TBP: variants seen among roughly 807,000 people sequenced by gnomAD.
The protein encoded by TBP is TATA-box binding protein.
In TBP, 12 loss-of-function variants were observed where a neutral mutation model predicts 46.2. That is an observed-to-expected ratio of 0.26 (90% CI 0.17 to 0.42). The LOEUF (loss-of-function observed/expected upper bound fraction) is 0.42. TBP is among the 10% of genes least tolerant of loss of function. The probability of loss-of-function intolerance (pLI) is 1.00; values close to 1 mark genes in which losing one functional copy is unlikely to be tolerated. For missense variants in TBP, 229 were observed against 403.1 expected (o/e 0.57, Z 3.70); for synonymous variants, 157 against 148.3 (o/e 1.06, Z -0.42).
In TBP at chr6:170,572,255, A is replaced by G; in HGVS notation, c.1010A>G (p.Lys337Arg). Residue 337 changes from lysine (K) to arginine (R), a missense_variant, in exon 8 of 8, where the codon AAG becomes AGG. This residue lies in a region of TBP where 44 missense variants were observed against 54.1 expected (regional missense o/e 0.81). Transcript: ENST00000392092. ...NIYPILKGFR[K>R]TT ...TACCCTATTCTAAAGGGATTCAGGA[A>G]GACGACGTAATGGCTCTCATGTACC... 1 of 1,613,564 alleles carries G rather than the reference A, an allele frequency of 6.2e-7. No individual in the cohort carries two copies. Among genetic ancestry groups the G allele is most frequent in the Non-Finnish European group, 8.5e-7 (1 of 1,179,632 alleles).
intron 3 of TBP, among the ~76,000 whole-genome samples, chr6:170,562,702 T>C (rs1476944604): frequency 6.6e-6 from 1 of 152,236 alleles, no homozygotes; most frequent in African/African-American, 2.4e-5. Flanking sequence ...TGAAGACGAC[T>C]GTTTTTGTCA....
At position 170,561,966 on chromosome 6, in the gene TBP, AGCAGCAGCAGCAGCAGCAGCAGCAG is replaced by A. The variant is rs1779152934; in HGVS notation, c.231_255del (p.Gln77HisfsTer59). 3.2e-4 allele frequency: 415 copies of A among 1,292,508 alleles called. 2 individuals carry two copies. Among genetic ancestry groups the A allele is most frequent in the Middle Eastern group, 3.1e-3 (16 of 5,150 alleles). 80.1% of individuals were successfully genotyped at this position (1,292,508 alleles called of 1,614,324 possible). A position where few individuals can be genotyped will look rare whatever the true frequency, so the allele number is the denominator to read the frequency against. ...CAGCAGCAGCAACAGCAACAGCAGC[AGCAGCAGCAGCAGCAGCAGCAGCAG>A]CAGCAGCAGCAGCAGCAGCAGCAGC... On this transcript the variant is annotated frameshift_variant, in exon 3 of 8. Transcript: ENST00000392092. LOFTEE classifies it high-confidence loss of function.
chr6:170,568,646 G>A lies in TBP; in HGVS notation c.678-966G>A, dbSNP rs186022103. 7.5e-4 allele frequency among the ~76,000 whole-genome samples: 114 copies of A among 151,320 alleles called. 1 individual carries two copies. Among genetic ancestry groups the A allele is most frequent in the African/African-American group, 2.4e-3 (98 of 41,192 alleles). ...ATTTTTGTATTTTTAGTAGAGATGG[G>A]GTTTCACTGTGTTAGCCAGGATGGT... On this transcript the variant is annotated intron_variant, in intron 5 of 7. Transcript: ENST00000392092.
chr6:170,562,240 A>G lies in TBP; in HGVS notation c.497+7A>G, dbSNP rs1333422481. ...GGATTGTACCGCAGCTGCAGTGAGT[A>G]CTTCGTGTTTTATGTTTCCTCCCAC... On this transcript the variant is annotated splice_region_variant and intron_variant, in intron 3 of 7. Coordinates refer to ENST00000392092, the MANE Select transcript of TBP (RefSeq NM_003194.5). The G allele has an allele frequency of 1.9e-6, 3 of 1,609,786 alleles. No individual in the cohort carries two copies. Among genetic ancestry groups the G allele is most frequent in the Non-Finnish European group, 2.5e-6 (3 of 1,176,682 alleles).
At position 170,555,712 on chromosome 6, in the gene TBP, C is replaced by T. The variant is rs1562357090; in HGVS notation, c.-148-1170C>T. 2.0e-5 allele frequency among the ~76,000 whole-genome samples: 3 copies of T among 152,292 alleles called. No homozygotes were observed. In the East Asian group the frequency reaches 5.8e-4, roughly 29 times the overall value. ...GTGTATATGGGCTCATTCATGATCA[C>T]ATACTGTATTCCAGGCATAGTGCTA... On this transcript the variant is annotated intron_variant, in intron 1 of 7. Coordinates refer to ENST00000392092, the MANE Select transcript of TBP (RefSeq NM_003194.5).
rs1176388777 is a variant in TBP at position 170,572,623 on chromosome 6, T to G, written c.*358T>G. On this transcript the variant is annotated 3_prime_UTR_variant, in exon 8 of 8. Transcript: ENST00000392092. The stretch of plus-strand genomic sequence containing the variant: ...CTATAATTGATTGGACTTTTTAATT[T>G]TAATGTTTTTCCCCATGAACCACAG... 4.9e-6 allele frequency: 1 copy of G among 202,862 alleles called. No homozygotes were observed. The highest frequency in any genetic ancestry group is 9.8e-6 in the Non-Finnish European group (1 of 102,134). 12.6% of individuals were successfully genotyped at this position (202,862 alleles called of 1,614,324 possible). A position where few individuals can be genotyped will look rare whatever the true frequency, so the allele number is the denominator to read the frequency against.
At chr6:170,557,195 T>C in intron 2 of TBP, 112 bp downstream of exon 2, 3 of 1,037,972 alleles carry the variant, frequency 2.9e-6, no homozygotes, top group Non-Finnish European at 2.9e-6. Context: ...TGGTTTAATA[T>C]GTTTTTTAAG....
At position 170,572,498 on chromosome 6, in the gene TBP, G is replaced by GCAA; in HGVS notation, c.*234_*235insAAC. On this transcript the variant is annotated 3_prime_UTR_variant, in exon 8 of 8. Transcript: ENST00000392092. Reference sequence around the variant, plus strand: ...GACTGTGAGTTGCTCATACCGTGCTGCTATCTGGGCAGCGCTGCCCATTTA... The same window carrying GCAA: ...GACTGTGAGTTGCTCATACCGTGCTGCAACTATCTGGGCAGCGCTGCCCATTTA... 1 of 552,162 alleles carries GCAA rather than the reference G, an allele frequency of 1.8e-6. No homozygotes were observed. Among genetic ancestry groups the GCAA allele is most frequent in the Non-Finnish European group, 3.2e-6 (1 of 312,398 alleles). The allele number at this position is 552,162 out of a possible 1,614,324, so 34.2% of individuals were successfully genotyped here. A position where few individuals can be genotyped will look rare whatever the true frequency, so the allele number is the denominator to read the frequency against.
chr6:170,560,958 G>C (rs1251885772), intron 2 of TBP, among the ~76,000 whole-genome samples: 1 of 152,196 alleles, frequency 6.6e-6, no homozygotes, highest in African/African-American at 2.4e-5. Context: ...ATAAGTTCTA[G>C]TGTGGGTAAA....
chr6:170,564,998 A>G (rs1490986652), intron 4 of TBP, among the ~76,000 whole-genome samples: 2 of 152,166 alleles, frequency 1.3e-5, no homozygotes, highest in Non-Finnish European at 2.9e-5. Flanking sequence ...CTCTACTAAA[A>G]ATACAAAAAT....
chr6:170,561,654 C>T (rs1779139956), intron 2 of TBP, 137 bp from the exon 3 acceptor site: 14 of 1,469,956 alleles, frequency 9.5e-6, no homozygotes, highest in South Asian at 4.1e-5. Flanking sequence ...CTGGTTCTTC[C>T]GTAATTAATG....
chr6:170,556,776 T>C (rs1247750834), intron 1 of TBP, 106 bp from the exon 2 acceptor site: 2 of 353,252 alleles, frequency 5.7e-6, no homozygotes, highest in African/African-American at 4.2e-5. Flanking sequence ...CAAAATAGCT[T>C]CATTGGTTTT....
At chr6:170,564,856 T>TA (rs750400341) in intron 4 of TBP, among the ~76,000 whole-genome samples, 269 of 138,802 alleles carry the variant, frequency 1.9e-3, no homozygotes, top group Middle Eastern at 3.6e-3. Context: ...CCCTGTCTCT[T>TA]AAAAAAAAAA....
At chr6:170,569,253 C>T (rs574714728) in intron 5 of TBP, among the ~76,000 whole-genome samples, 3 of 152,344 alleles carry the variant, frequency 2.0e-5, no homozygotes, top group African/African-American at 7.2e-5. Context: ...TAATAAATCT[C>T]ATCAACATTT....
At chr6:170,571,571 CT>C in intron 7 of TBP, 67 bp downstream of exon 7, 2 of 1,262,280 alleles carry the variant, frequency 1.6e-6, no homozygotes, top group Non-Finnish European at 2.3e-6. Flanking sequence ...TTTCTCAGTG[CT>C]GAAAAGAAAT....
chr6:170,563,463 A>G (rs1176948876), intron 3 of TBP, among the ~76,000 whole-genome samples: 1 of 152,222 alleles, frequency 6.6e-6, no homozygotes, highest in Non-Finnish European at 1.5e-5. Context: ...ACATTTAACA[A>G]TTATGTGACT....
chr6:170,556,900 T>A lies in TBP; in HGVS notation c.-130T>A. On this transcript the variant is annotated 5_prime_UTR_variant, in exon 2 of 8. Transcript: ENST00000392092. ...AAAGCAGCATCACTGTTTCTTGGCG[T>A]GTGAAGATAACCCAAGGAATTGAGG... The A allele has an allele frequency of 1.2e-6, 1 of 828,840 alleles. No homozygotes were observed. The highest frequency in any genetic ancestry group is 2.0e-6 in the Non-Finnish European group (1 of 501,672). The allele number at this position is 828,840 out of a possible 1,614,324, so 51.3% of individuals were successfully genotyped here. A position where few individuals can be genotyped will look rare whatever the true frequency, so the allele number is the denominator to read the frequency against.
At chr6:170,554,609 C>A (rs1778979051) in intron 1 of TBP, 146 bp downstream of exon 1, 1 of 152,516 alleles carries the variant, frequency 6.6e-6, no homozygotes, top group Non-Finnish European at 1.5e-5. Context: ...GCCGCCGTTC[C>A]GGCCTGTAAC....
intron 1 of TBP, among the ~76,000 whole-genome samples, chr6:170,555,117 C>T (rs1267090991): frequency 6.6e-6 from 1 of 152,074 alleles, no homozygotes; most frequent in African/African-American, 2.4e-5. Flanking sequence ...ATGAAGATAC[C>T]CAGCAAACAA....
Sources: allele counts gnomAD v4.1 joint callset (sites outside exome capture counted in the v4.1 genomes callset), GRCh38; gene constraint gnomAD v4.1.1; regional missense constraint gnomAD v4.1.1; transcripts MANE v1.5; gene names NCBI Gene and HGNC (gene_info 2026-07-23, HGNC 2026-07-21).